The following CEP76 variants were observed in gnomAD, a reference collection of about 807,000 sequenced individuals.
The protein encoded by CEP76 is centrosomal protein 76, also known as centrosomal protein of 76 kDa.
In CEP76, 55 loss-of-function variants were observed where a neutral mutation model predicts 83.3. That is an observed-to-expected ratio of 0.66 (90% confidence interval 0.53 to 0.83). CEP76 has a LOEUF of 0.83. Ranked by LOEUF, CEP76 falls within the 40% of genes least tolerant of loss-of-function variation. CEP76 has a pLI of 0.00. For missense variants in CEP76, 694 were observed against 799.5 expected (o/e 0.87, Z 1.59); for synonymous variants, 270 against 274.5 (o/e 0.98, Z 0.16).
At chr18:12,683,803 T>C (rs1165475395) in intron 8 of CEP76, among the ~76,000 whole-genome samples, 1 of 151,690 alleles carries the variant, frequency 6.6e-6, no homozygotes, top group African/African-American at 2.4e-5. Flanking sequence ...TAGAAAAATG[T>C]TCATAGCATA....
At chr18:12,702,422 G>T in intron 1 of CEP76, 64 bp downstream of exon 1, 1 of 1,303,334 alleles carries the variant, frequency 7.7e-7, no homozygotes, top group Non-Finnish European at 1.1e-6. Flanking sequence ...GCCCGGGGCC[G>T]CCGGGCAGGA....
intron 10 of CEP76, 115 bp downstream of exon 10, chr18:12,677,994 G>A (rs2039204926): frequency 1.4e-6 from 1 of 718,742 alleles, no homozygotes; most frequent in Non-Finnish European, 2.3e-6. Context: ...AGTAGGGACT[G>A]TAGTTGTTTT....
chr18:12,698,001 ATACCTT>A (rs1205271858), intron 4 of CEP76, among the ~76,000 whole-genome samples: 1 of 152,140 alleles, frequency 6.6e-6, no homozygotes, highest in East Asian at 1.9e-4. Flanking sequence ...AAAATACAAA[ATACCTT>A]TACTGAAAGA....
chr18:12,688,101 C>T (rs915943699), intron 7 of CEP76, among the ~76,000 whole-genome samples: 30 of 151,654 alleles, frequency 2.0e-4, no homozygotes, highest in African/African-American at 7.3e-4. Context: ...AAAAATTAGC[C>T]AGGCATGTGG....
chr18:12,673,704 A>AC (rs1486071129), intron 11 of CEP76, among the ~76,000 whole-genome samples: 3 of 151,870 alleles, frequency 2.0e-5, no homozygotes, highest in Admixed American at 6.6e-5. Context: ...ACATAGTGAA[A>AC]CCCCGCCTCT....
rs2039732739 is a variant in CEP76 at position 12,690,905 on chromosome 18, T to TA, written c.933+453dup. Among the ~76,000 whole-genome samples the TA allele has an allele frequency of 3.9e-5, 6 of 151,954 alleles. No homozygotes were observed. The East Asian group carries it at 7.7e-4, about 20-fold the overall frequency. On this transcript the variant is annotated intron_variant, in intron 7 of 11. Transcript: ENST00000262127. ...AGTCGTGGTTATATACAATTTTTTT[T>TA]AAAACCCTAACAAAAAATATATATA...
At chr18:12,666,748 C>CAA (rs538321327) in intron 12 of CEP76, among the ~76,000 whole-genome samples, 2 of 134,914 alleles carry the variant, frequency 1.5e-5, no homozygotes, top group Non-Finnish European at 1.6e-5. Flanking sequence ...CACACCCGGC[C>CAA]AAAAAAAAAA....
At chr18:12,693,930 C>A (rs955824591) in intron 6 of CEP76, among the ~76,000 whole-genome samples, 3 of 152,124 alleles carry the variant, frequency 2.0e-5, no homozygotes, top group African/African-American at 7.2e-5. Context: ...ATTCCTGGGT[C>A]AAGCAATCCT....
chr18:12,679,158 G>A (rs979854902), intron 9 of CEP76: 4 of 151,922 alleles, frequency 2.6e-5, no homozygotes, highest in Non-Finnish European at 5.9e-5. Flanking sequence ...CAGCCAGAGA[G>A]GAATAATAAA....
At chr18:12,662,191 G>GA (rs5823232) in intron 12 of CEP76, 121,126 of 346,998 alleles carry the variant, frequency 0.35, 6,249 homozygotes, top group Non-Finnish European at 0.39. Flanking sequence ...CACCAGAAAG[G>GA]AAAAAAAAAA....
intron 3 of CEP76, 131 bp downstream of exon 3, chr18:12,699,699 G>C (rs966880667): frequency 1.7e-6 from 1 of 576,564 alleles, no homozygotes; most frequent in African/African-American, 1.9e-5. Context: ...ATCTGTTTTA[G>C]CCAACCATAA....
intron 1 of CEP76, among the ~76,000 whole-genome samples, chr18:12,701,406 C>G (rs2040145297): frequency 6.6e-6 from 1 of 152,068 alleles, no homozygotes; most frequent in African/African-American, 2.4e-5. Context: ...GTAGGCAGAT[C>G]AAAGTATGAT....
At position 12,699,825 on chromosome 18, in the gene CEP76, C is replaced by T; in HGVS notation, c.295+5G>A. On this transcript the variant is annotated splice_donor_5th_base_variant and intron_variant, in intron 3 of 11. Transcript: ENST00000262127. The stretch of plus-strand genomic sequence containing the variant: ...ACAACTAAATTAATGTTAAAATATA[C>T]ATACTTTTTTTTAATGTCGATTGTC... 6.7e-7 allele frequency: 1 copy of T among 1,487,486 alleles called. No individual in the cohort carries two copies. The highest frequency in any genetic ancestry group is 9.2e-7 in the Non-Finnish European group (1 of 1,090,274). The allele number at this position is 1,487,486 out of a possible 1,614,324, so 92.1% of individuals were successfully genotyped here.
intron 6 of CEP76, 27 bp downstream of exon 6, chr18:12,695,227 A>T: frequency 9.4e-7 from 1 of 1,067,994 alleles, no homozygotes; most frequent in African/African-American, 1.6e-5. Flanking sequence ...CAAACACACA[A>T]AAAAAGAGAA....
chr18:12,677,745 C>T (rs939665589), intron 10 of CEP76, among the ~76,000 whole-genome samples: 3 of 152,092 alleles, frequency 2.0e-5, no homozygotes, highest in African/African-American at 7.2e-5. Context: ...AGGCATGAGC[C>T]ATCAAGCCCA....
chr18:12,697,161 A>G, intron 5 of CEP76, 62 bp downstream of exon 5: 1 of 1,187,514 alleles, frequency 8.4e-7, no homozygotes, highest in Non-Finnish European at 1.2e-6. Flanking sequence ...AAAGATATAA[A>G]ATATATTTAC....
At chr18:12,682,230 TCTCAGCTCAATGCTGCCTTGACGTC>T (rs1358263715) in intron 8 of CEP76, among the ~76,000 whole-genome samples, 2 of 150,824 alleles carry the variant, frequency 1.3e-5, no homozygotes, top group South Asian at 2.1e-4. Flanking sequence ...AGTGGCATGA[TCTCAGCTCAATGCTGCCTTGACGTC>T]CTCAGCTCAC....
chr18:12,683,347 G>A lies in CEP76; in HGVS notation c.1123-2519C>T, dbSNP rs371536252. ...AGCCTGGGCGACAGAGCGAGACCCC[G>A]TCCTAAACAAAAACAAAAGAAAACA... is the stretch of plus-strand genomic sequence containing the variant. On this transcript the variant is annotated intron_variant, in intron 8 of 11. Coordinates refer to ENST00000262127, the MANE Select transcript of CEP76 (RefSeq NM_024899.4). Among the ~76,000 whole-genome samples, 17 of 145,884 alleles carry A rather than the reference G, an allele frequency of 1.2e-4. No individual in the cohort carries two copies. In the South Asian group the frequency reaches 2.3e-3, roughly 19 times the overall value.
Position 12,673,041 on chromosome 18 carries a change from A to C in CEP76, c.*324T>G. On this transcript the variant is annotated 3_prime_UTR_variant, in exon 12 of 12. Coordinates refer to ENST00000262127, the MANE Select transcript of CEP76 (RefSeq NM_024899.4). The stretch of plus-strand genomic sequence containing the variant: ...CCCTTAGACAAACATCTCTTTGATT[A>C]CCTGTTTGTGTAAAGAAAACTGAAT... 9.8e-7 allele frequency: 1 copy of C among 1,019,376 alleles called. No homozygotes were observed. The highest frequency in any genetic ancestry group is 1.2e-6 in the Non-Finnish European group (1 of 852,586). 63.1% of individuals were successfully genotyped at this position (1,019,376 alleles called of 1,614,324 possible).
Sources: gnomAD v4.1 joint callset for allele counts (sites outside exome capture counted in the v4.1 genomes callset) on GRCh38, gnomAD v4.1.1 for gene constraint, MANE v1.5 for transcripts, NCBI Gene and HGNC (gene_info 2026-07-23, HGNC 2026-07-21) for gene names.